The following VPS11 variants were observed in gnomAD, a reference collection of about 807,000 sequenced individuals.
The protein encoded by VPS11 is VPS11 core subunit of CORVET and HOPS complexes, also known as vacuolar protein sorting-associated protein 11 homolog.
In VPS11, 51 loss-of-function variants were observed where a neutral mutation model predicts 106.8. The ratio of observed to expected loss-of-function variants is 0.48; its 90% confidence interval spans 0.38 to 0.60. The LOEUF (loss-of-function observed/expected upper bound fraction) is 0.60. Among genes scored for constraint, VPS11 ranks in the 20% least tolerant of loss-of-function variants. The probability of loss-of-function intolerance (pLI) is 0.00; values close to 1 mark genes in which losing one functional copy is unlikely to be tolerated. For synonymous variants in VPS11, 453 were observed against 458.7 expected (o/e 0.99, Z 0.16); for missense variants, 950 against 1,190.0 (o/e 0.80, Z 2.97).
intron 7 of VPS11, among the ~76,000 whole-genome samples, chr11:119,076,519 T>TC (rs1945626850): frequency 6.7e-6 from 1 of 149,362 alleles, no homozygotes; most frequent in Non-Finnish European, 1.5e-5. Flanking sequence ...GGAGCGAACC[T>TC]CCCTCTCAAA....
At chr11:119,070,515 C>A in intron 4 of VPS11, 118 bp downstream of exon 4, 2 of 1,133,182 alleles carry the variant, frequency 1.8e-6, no homozygotes, top group Non-Finnish European at 2.4e-6. Context: ...TCATATAATT[C>A]GAATCATTTG....
chr11:119,070,347 C>G lies in VPS11; in HGVS notation c.586C>G (p.Gln196Glu), dbSNP rs201606629. 605 of 1,613,178 alleles carry G rather than the reference C, an allele frequency of 3.8e-4. No individual in the cohort carries two copies. Among genetic ancestry groups the G allele is most frequent in the Non-Finnish European group, 4.7e-4 (555 of 1,179,574 alleles). The part of the protein sequence containing the change: ...NYPVTGLAFR[Q>E]AGKTTHLFVV... ...TCCTGTAACTGGATTGGCCTTTCGC[C>G]AAGCAGGAAAGACCACTCACTTGTT... Residue 196 changes from glutamine (Q) to glutamate (E), a missense_variant, in exon 4 of 16, where the codon CAA becomes GAA. Physicochemically the swap from Gln to Glu is conservative, Grantham distance 29. This residue lies in a region of VPS11 where 435 missense variants were observed against 630.2 expected (regional missense o/e 0.69). Transcript: ENST00000621676.
chr11:119,077,227 G>C (rs967127982), intron 8 of VPS11, 144 bp downstream of exon 8: 1 of 1,118,054 alleles, frequency 8.9e-7, no homozygotes, highest in African/African-American at 1.6e-5. Context: ...TTAGTTCGGT[G>C]CCATCTCCCC....
intron 6 of VPS11, 84 bp downstream of exon 6, chr11:119,073,483 G>A: frequency 6.7e-7 from 1 of 1,497,366 alleles, no homozygotes; most frequent in Non-Finnish European, 9.0e-7. Flanking sequence ...ATTGGCCAGG[G>A]TGTTTCCCTC....
At chr11:119,075,069 A>G (rs1945552344) in intron 7 of VPS11, among the ~76,000 whole-genome samples, 1 of 151,614 alleles carries the variant, frequency 6.6e-6, no homozygotes, top group South Asian at 2.1e-4. Context: ...GATCGAGACC[A>G]TCCTGGCTAA....
At position 119,078,929 on chromosome 11, in the gene VPS11, A is replaced by G. The variant is rs1443040928; in HGVS notation, c.2198A>G (p.Asp733Gly). 2 of 1,613,916 alleles carry G rather than the reference A, an allele frequency of 1.2e-6. No homozygotes were observed. Among genetic ancestry groups the G allele is most frequent in the Non-Finnish European group, 1.7e-6 (2 of 1,179,910 alleles). Residue 733 changes from aspartate (D) to glycine (G), a missense_variant, in exon 13 of 16, where the codon GAC (aspartate) becomes GGC (glycine). Transcript: ENST00000621676. ...AGCTACTTCGCTCGCAAGGAGGAGG[A>G]CTGCAAGGAGTATGTGGCAGCTGTC... ...ALSYFARKEE[D>G]CKEYVAAVLK...
At chr11:119,072,899 G>T in intron 5 of VPS11, 1 of 350,322 alleles carries the variant, frequency 2.9e-6, no homozygotes. Context: ...TTCAGTTCCA[G>T]GCACAGTGTT....
chr11:119,073,340 C>A lies in VPS11; in HGVS notation c.1027C>A (p.Leu343Met). The A allele has an allele frequency of 6.2e-7, 1 of 1,613,956 alleles. No homozygotes were observed. Among genetic ancestry groups the A allele is most frequent in the Non-Finnish European group, 8.5e-7 (1 of 1,179,898 alleles). Residue 343 changes from leucine (L) to methionine (M), a missense_variant, in exon 6 of 16, where the codon CTG (leucine) becomes ATG (methionine). Physicochemically the swap from Leu to Met is conservative, Grantham distance 15 (BLOSUM62 2). Around this residue, in one of 3 missense-constraint regions of VPS11, gnomAD observed 435 missense variants for 630.2 expected, o/e 0.69. Transcript: ENST00000621676. ...TGCTGAGTGGGGCTCCCTGTACGTG[C>A]TGACGCGGGATGGGCGGGTCCACGC... ...VLAEWGSLYV[L>M]TRDGRVHALQ...
chr11:119,079,105 T>A lies in VPS11; in HGVS notation c.2267-24T>A, dbSNP rs573421694. The stretch of plus-strand genomic sequence containing the variant: ...GTGCCACACGTGGTTGATTGTCTTG[T>A]TTCCTCTTGGACCCCAATCTCAGTG... On this transcript the variant is annotated intron_variant, in intron 13 of 15. Coordinates refer to ENST00000621676, the MANE Select transcript of VPS11 (RefSeq NM_021729.6). 3.2e-4 allele frequency: 514 copies of A among 1,612,308 alleles called. 23 individuals are homozygous for A. The South Asian group carries it at 5.0e-3, about 16-fold the overall frequency.
chr11:119,067,870 A>T lies in VPS11; in HGVS notation c.47A>T (p.Glu16Val), dbSNP rs2133639260. The change falls in exon 1 of 16, where the codon GAG becomes GTG. Residue 16 changes from glutamate to valine, a missense_variant. Physicochemically the swap from Glu to Val is moderately radical, Grantham distance 121 (BLOSUM62 -2). Around this residue, in one of 3 missense-constraint regions of VPS11, gnomAD observed 62 missense variants for 45.1 expected, o/e 1.37. Coordinates refer to ENST00000621676, the MANE Select transcript of VPS11 (RefSeq NM_021729.6). ...CGGCGCTTCGTTTTCTTCGACAAGG[A>T]GCTGGTGAAGGAGCCGCTGAGCAAT... ...QWRRFVFFDK[E>V]LVKEPLSNDG... is the part of the protein sequence containing the mutation. 3.8e-6 allele frequency: 6 copies of T among 1,572,900 alleles called. No individual in the cohort carries two copies. The highest frequency in any genetic ancestry group is 3.5e-5 in the South Asian group (3 of 86,242).
chr11:119,075,813 AT>A (rs928938918), intron 7 of VPS11, among the ~76,000 whole-genome samples: 21 of 151,980 alleles, frequency 1.4e-4, no homozygotes, highest in African/African-American at 4.3e-4. Flanking sequence ...GAGGCAGGAG[AT>A]TCACTTGAAC....
At chr11:119,072,134 T>G in intron 5 of VPS11, 1 of 314,490 alleles carries the variant, frequency 3.2e-6, no homozygotes. Flanking sequence ...CCTGGCTACT[T>G]TTTGTATTTT....
chr11:119,072,985 A>G (rs1434640998), intron 5 of VPS11: 2 of 581,790 alleles, frequency 3.4e-6, no homozygotes, highest in Non-Finnish European at 6.1e-6. Flanking sequence ...CTAATCTGTT[A>G]CTTGGGTTAA....
rs536958572 is a variant in VPS11 at position 119,071,286 on chromosome 11, C to T, written c.637-310C>T. On this transcript the variant is annotated intron_variant, in intron 4 of 15. Transcript: ENST00000621676. ...ACAAGTATCTTTACCTTTCTTGTTC[C>T]TGGTGCCCCAGATTTACAACAGTCT... 1.0e-3 allele frequency among the ~76,000 whole-genome samples: 156 copies of T among 152,230 alleles called. 1 individual carries two copies. Among genetic ancestry groups the T allele is most frequent in the Non-Finnish European group, 2.0e-3 (135 of 68,024 alleles).
Position 119,069,436 on chromosome 11 carries a change from C to G in VPS11, c.337-6C>G. 1 of 1,613,980 alleles carries G rather than the reference C, an allele frequency of 6.2e-7. No individual in the cohort carries two copies. The highest frequency in any genetic ancestry group is 8.5e-7 in the Non-Finnish European group (1 of 1,179,868). Reference sequence around the variant, plus strand: ...TAGCATTTACACTTCTGAGGTCTGTCCACAGGTTAAGATCTGGAACCTGGA... The same window carrying G: ...TAGCATTTACACTTCTGAGGTCTGTGCACAGGTTAAGATCTGGAACCTGGA... On this transcript the variant is annotated splice_region_variant and splice_polypyrimidine_tract_variant and intron_variant, in intron 2 of 15. Coordinates refer to ENST00000621676, the MANE Select transcript of VPS11 (RefSeq NM_021729.6).
At position 119,081,938 on chromosome 11, in the gene VPS11, A is replaced by T. The variant is rs1321258785; in HGVS notation, c.*315A>T. Reference sequence around the variant, plus strand: ...AGGCTGTGCTTGGGTCCTTGCTCTCAGAGTCTATAAATAAAAGAATATAAT... The same window carrying T: ...AGGCTGTGCTTGGGTCCTTGCTCTCTGAGTCTATAAATAAAAGAATATAAT... On this transcript the variant is annotated 3_prime_UTR_variant, in exon 16 of 16. Transcript: ENST00000621676. 1 of 301,050 alleles carries T rather than the reference A, an allele frequency of 3.3e-6. No homozygotes were observed. The highest frequency in any genetic ancestry group is 6.2e-6 in the Non-Finnish European group (1 of 161,558). The allele number at this position is 301,050 out of a possible 1,614,324, so 18.6% of individuals were successfully genotyped here. A position where few individuals can be genotyped will look rare whatever the true frequency, so the allele number is the denominator to read the frequency against.
rs1459081103 is a variant in VPS11, at chr11:119,081,154, T to G, written c.2501T>G (p.Val834Gly). 6.2e-7 allele frequency: 1 copy of G among 1,614,030 alleles called. No homozygotes were observed. The highest frequency in any genetic ancestry group is 1.7e-5 in the Admixed American group (1 of 60,030). ...AACAGTGCCTTGGAGTTGCCCTCAG[T>G]CCACTTCCTGTGTGGCCACTCCTTC... ...ICNSALELPS[V>G]HFLCGHSFHQ... Residue 834 changes from valine (V) to glycine (G), a missense_variant, in exon 15 of 16, where the codon GTC (valine) becomes GGC (glycine). Transcript: ENST00000621676.
chr11:119,071,939 C>G, intron 5 of VPS11, 96 bp downstream of exon 5: 7 of 1,463,158 alleles, frequency 4.8e-6, no homozygotes, highest in Non-Finnish European at 6.5e-6. Flanking sequence ...CTGCCAATCT[C>G]CTACTCCTAC....
In VPS11 at chr11:119,081,340, C is replaced by T. The variant is rs1446473116; in HGVS notation, c.2661+26C>T. 3 of 1,613,176 alleles carry T rather than the reference C, an allele frequency of 1.9e-6. No individual in the cohort carries two copies. The African/African-American group carries it at 4.0e-5, about 22-fold the overall frequency. On this transcript the variant is annotated intron_variant, in intron 15 of 15. Coordinates refer to ENST00000621676, the MANE Select transcript of VPS11 (RefSeq NM_021729.6). ...GTGGGGATGAGTGGGCTAGATGGGC[C>T]AGGGGATTCCCACTAGTGTCACAGA...
Sources: gnomAD v4.1 joint callset for allele counts (sites outside exome capture counted in the v4.1 genomes callset) on GRCh38, gnomAD v4.1.1 for gene constraint, gnomAD v4.1.1 regional missense constraint, MANE v1.5 for transcripts, NCBI Gene and HGNC (gene_info 2026-07-23, HGNC 2026-07-21) for gene names.